AKAP1: variants seen among roughly 807,000 people sequenced by gnomAD.
The protein encoded by AKAP1 is A-kinase anchor protein 1, mitochondrial.
Under a neutral mutation model 79.8 loss-of-function variants are expected in AKAP1, and 32 were observed. That is an observed-to-expected ratio of 0.40 (90% CI 0.30 to 0.54). The LOEUF is 0.54. Ranked by LOEUF, AKAP1 falls within the 20% of genes least tolerant of loss-of-function variation. AKAP1 has a pLI of 0.47. For missense variants in AKAP1, 961 were observed against 1,138.9 expected (o/e 0.84, Z 2.25); for synonymous variants, 416 against 466.7 (o/e 0.89, Z 1.40).
chr17:57,103,776 C>T (rs962832063), intron 1 of AKAP1, among the ~76,000 whole-genome samples: 1 of 152,120 alleles, frequency 6.6e-6, no homozygotes, highest in Non-Finnish European at 1.5e-5. Flanking sequence ...CATCATATAC[C>T]TTTAGTGAGT....
intron 1 of AKAP1, among the ~76,000 whole-genome samples, chr17:57,102,834 C>A (rs1478170161): frequency 2.0e-5 from 3 of 152,192 alleles, no homozygotes; most frequent in African/African-American, 4.8e-5. Context: ...GGCCTGTCAT[C>A]CCAGCACTTT....
intron 8 of AKAP1, among the ~76,000 whole-genome samples, chr17:57,117,495 G>C (rs1422060289): frequency 6.6e-6 from 1 of 152,038 alleles, no homozygotes; most frequent in East Asian, 1.9e-4. Flanking sequence ...GCTGTTTATG[G>C]CTAGGAATTT....
Position 57,114,511 on chromosome 17 carries a change from A to G in AKAP1, c.2156A>G (p.Asn719Ser), listed in dbSNP as rs371504108. The change falls in exon 6 of 11, where the codon AAT (asparagine) becomes AGT (serine). Residue 719 changes from asparagine to serine, a missense_variant. By Grantham distance (46) the Asn-to-Ser change is conservative. Around this residue, in one of 3 missense-constraint regions of AKAP1, gnomAD observed 629 missense variants for 781.1 expected, o/e 0.81. Transcript: ENST00000337714. ...GAGGTCATTGTGGTCAACCAGGTCA[A>G]TGCCGGGCACCTGTTCGTGCAGCAG... ...TVEVIVVNQVNAGHLFVQQHT... is the reference protein window; with the variant it reads ...TVEVIVVNQVSAGHLFVQQHT... 14 of 1,614,060 alleles carry G rather than the reference A, an allele frequency of 8.7e-6. No homozygotes were observed. Among genetic ancestry groups the G allele is most frequent in the African/African-American group, 4.0e-5 (3 of 74,934 alleles).
chr17:57,109,199 A>G (rs778107006), intron 2 of AKAP1, among the ~76,000 whole-genome samples: 20 of 152,204 alleles, frequency 1.3e-4, no homozygotes, highest in Admixed American at 2.6e-4. Flanking sequence ...TGAGTCATCC[A>G]TATTTAAGCC....
Position 57,106,378 on chromosome 17 carries a change from G to A in AKAP1, c.914G>A (p.Gly305Asp). The change falls in exon 2 of 11, where the codon GGC becomes GAC. Residue 305 changes from glycine (G) to aspartate (D), a missense_variant. By Grantham distance (94) the Gly-to-Asp change is moderately conservative. Transcript: ENST00000337714. Reference protein sequence around the residue: ...AQDRGVEGELGNEESLDRNEE... With the variant: ...AQDRGVEGELDNEESLDRNEE... Reference sequence around the variant, plus strand: ...GATAGAGGTGTCGAGGGAGAACTGGGCAATGAGGAGAGCTTGGATAGAAAT... The same window carrying A: ...GATAGAGGTGTCGAGGGAGAACTGGACAATGAGGAGAGCTTGGATAGAAAT... The A allele has an allele frequency of 4.3e-6, 7 of 1,614,138 alleles. No homozygotes were observed. The highest frequency in any genetic ancestry group is 1.3e-5 in the African/African-American group (1 of 75,024).
chr17:57,120,665 G>C lies in AKAP1; in HGVS notation c.*341G>C, dbSNP rs535796988. 2 of 199,414 alleles carry C rather than the reference G, an allele frequency of 1.0e-5. No individual in the cohort carries two copies. The highest frequency in any genetic ancestry group is 2.0e-5 in the Non-Finnish European group (2 of 97,898). 12.4% of individuals were successfully genotyped at this position (199,414 alleles called of 1,614,324 possible). A position where few individuals can be genotyped will look rare whatever the true frequency, so the allele number is the denominator to read the frequency against. ...TCTTCTTCCTTCTATCTCCTTCCCCGGCAAAAACCAAACAAACTGGCAGAC... is the reference window on the plus strand; with the variant it reads ...TCTTCTTCCTTCTATCTCCTTCCCCCGCAAAAACCAAACAAACTGGCAGAC... On this transcript the variant is annotated 3_prime_UTR_variant, in exon 11 of 11. Coordinates refer to ENST00000337714, the MANE Select transcript of AKAP1 (RefSeq NM_003488.4).
intron 1 of AKAP1, among the ~76,000 whole-genome samples, chr17:57,100,971 G>A (rs1438558418): frequency 6.6e-6 from 1 of 152,192 alleles, no homozygotes; most frequent in East Asian, 1.9e-4. Flanking sequence ...GGAGGTTGCG[G>A]TGAGCCAAGA....
intron 1 of AKAP1, among the ~76,000 whole-genome samples, chr17:57,090,605 G>A (rs1913728986): frequency 6.6e-6 from 1 of 152,152 alleles, no homozygotes; most frequent in Admixed American, 6.5e-5. Context: ...CCCACATATG[G>A]AGTCTGACTT....
intron 10 of AKAP1, 138 bp downstream of exon 10, chr17:57,119,182 G>A (rs72828917): frequency 0.12 from 112,064 of 925,838 alleles, 7,344 homozygotes; most frequent in Non-Finnish European, 0.13. Flanking sequence ...GGAACACTTT[G>A]GATGTCCTGA....
At chr17:57,117,915 C>T (rs192575179) in intron 8 of AKAP1, among the ~76,000 whole-genome samples, 132 of 152,264 alleles carry the variant, frequency 8.7e-4, no homozygotes, top group African/African-American at 3.1e-3. Context: ...GCTGTGTGGC[C>T]AACTGCCTGG....
At chr17:57,094,042 T>G (rs1193904045) in intron 1 of AKAP1, 1 of 149,500 alleles carries the variant, frequency 6.7e-6, no homozygotes, top group African/African-American at 2.4e-5. Flanking sequence ...TCCTTCATTT[T>G]CTTCTTCTCC....
At chr17:57,103,276 CCTT>C (rs1914641958) in intron 1 of AKAP1, among the ~76,000 whole-genome samples, 1 of 152,222 alleles carries the variant, frequency 6.6e-6, no homozygotes, top group Non-Finnish European at 1.5e-5. Context: ...ATGGAGGTGA[CCTT>C]CTCACTACCA....
At chr17:57,096,296 C>T (rs1377967907) in intron 1 of AKAP1, 1 of 152,194 alleles carries the variant, frequency 6.6e-6, no homozygotes, top group East Asian at 1.9e-4. Context: ...TCATTTTGGC[C>T]GTAGAAGGCT....
At chr17:57,099,500 G>T (rs1169309218) in intron 1 of AKAP1, among the ~76,000 whole-genome samples, 1 of 152,190 alleles carries the variant, frequency 6.6e-6, no homozygotes, top group Non-Finnish European at 1.5e-5. Flanking sequence ...GGACATCCTG[G>T]ATTCTGTGGG....
intron 1 of AKAP1, chr17:57,094,172 C>G (rs952347655): frequency 1.3e-5 from 2 of 152,254 alleles, no homozygotes; most frequent in African/African-American, 2.4e-5. Flanking sequence ...GAAAGTGGCT[C>G]TCACTGTGGC....
At chr17:57,090,097 T>C (rs1913689899) in intron 1 of AKAP1, among the ~76,000 whole-genome samples, 1 of 152,122 alleles carries the variant, frequency 6.6e-6, no homozygotes. Context: ...ACAGAAGGTG[T>C]TGGGGGAGAG....
At chr17:57,113,673 G>A (rs996525503) in intron 5 of AKAP1, among the ~76,000 whole-genome samples, 1 of 143,398 alleles carries the variant, frequency 7.0e-6, no homozygotes, top group Non-Finnish European at 1.5e-5. Flanking sequence ...CATGATCTTG[G>A]CTCACTGCAA....
Position 57,116,898 on chromosome 17 carries a change from T to C in AKAP1, c.2471T>C (p.Val824Ala). The C allele has an allele frequency of 6.2e-7, 1 of 1,614,196 alleles. No homozygotes were observed. The highest frequency in any genetic ancestry group is 8.5e-7 in the Non-Finnish European group (1 of 1,180,026). ...FVTLPFQGAE[V>A]LLDSVMPLSD... ...ACCCTGCCGTTTCAGGGAGCAGAAG[T>C]CCTTCTGGACAGTGTGATGCCCCTG... Residue 824 changes from valine to alanine, a missense_variant, in exon 8 of 11, where the codon GTC (valine) becomes GCC (alanine). Around this residue, in one of 3 missense-constraint regions of AKAP1, gnomAD observed 629 missense variants for 781.1 expected, o/e 0.81. Transcript: ENST00000337714.
At position 57,106,935 on chromosome 17, in the gene AKAP1, A is replaced by G. The variant is rs775683759; in HGVS notation, c.1471A>G (p.Met491Val). 1.4e-5 allele frequency: 23 copies of G among 1,614,054 alleles called. No homozygotes were observed. The East Asian group carries it at 4.0e-4, about 28-fold the overall frequency. The change falls in exon 2 of 11, where the codon ATG becomes GTG. Residue 491 changes from methionine to valine, a missense_variant. By Grantham distance (21) the Met-to-Val change is conservative. Coordinates refer to ENST00000337714, the MANE Select transcript of AKAP1 (RefSeq NM_003488.4). ...LVEDATCVTC[M>V]SDSSQSVPLV... is the part of the protein sequence containing the mutation. Reference sequence around the variant, plus strand: ...GGAAGATGCCACCTGTGTCACCTGCATGTCAGACAGCAGCCAAAGTGTCCC... The same window carrying G: ...GGAAGATGCCACCTGTGTCACCTGCGTGTCAGACAGCAGCCAAAGTGTCCC...
Sources: gnomAD v4.1 joint callset for allele counts (sites outside exome capture counted in the v4.1 genomes callset) on GRCh38, gnomAD v4.1.1 for gene constraint, gnomAD v4.1.1 regional missense constraint, MANE v1.5 for transcripts, NCBI Gene and HGNC (gene_info 2026-07-23, HGNC 2026-07-21) for gene names.